Variants in GPR39 observed in about 807,000 individuals in gnomAD.
The protein encoded by GPR39 is zinc sensing receptor.
A neutral mutation model predicts 18.4 loss-of-function variants in GPR39; 23 were observed. The ratio of observed to expected loss-of-function variants is 1.25; its 90% confidence interval spans 0.90 to 1.77. The LOEUF (loss-of-function observed/expected upper bound fraction) is 1.77. Among genes scored for constraint, GPR39 ranks in the 40% most tolerant of loss-of-function variants. The pLI is 0.00. For missense variants in GPR39, 647 were observed against 602.4 expected (o/e 1.07, Z -0.78); for synonymous variants, 280 against 257.9 (o/e 1.09, Z -0.82).
intron 1 of GPR39, among the ~76,000 whole-genome samples, chr2:132,464,423 A>G (rs1680889195): frequency 2.6e-5 from 4 of 152,218 alleles, no homozygotes; most frequent in African/African-American, 4.8e-5. Flanking sequence ...ATAGTGCAGT[A>G]TGCCTAGACT....
intron 1 of GPR39, among the ~76,000 whole-genome samples, chr2:132,601,327 T>C (rs56265061): frequency 0.24 from 36,242 of 152,080 alleles, 4,825 homozygotes; most frequent in African/African-American, 0.35. Flanking sequence ...TCAATAAATG[T>C]GATACACAAC....
chr2:132,591,421 T>C (rs1165602455), intron 1 of GPR39, among the ~76,000 whole-genome samples: 1 of 152,122 alleles, frequency 6.6e-6, no homozygotes, highest in Non-Finnish European at 1.5e-5. Context: ...CACCAGTGGT[T>C]TGCCAGGGAC....
chr2:132,451,172 T>TGTGC (rs1553448291), intron 1 of GPR39, among the ~76,000 whole-genome samples: 1 of 140,574 alleles, frequency 7.1e-6, no homozygotes, highest in Non-Finnish European at 1.6e-5. Flanking sequence ...TGTGTGTGTG[T>TGTGC]GTGCACGCGC....
At position 132,450,046 on chromosome 2, in the gene GPR39, G is replaced by C. The variant is rs368593372; in HGVS notation, c.856+32148G>C. Among the ~76,000 whole-genome samples the C allele has an allele frequency of 5.3e-5, 8 of 152,342 alleles. No individual in the cohort carries two copies. In the East Asian group the frequency reaches 1.2e-3, roughly 22 times the overall value. Reference sequence around the variant, plus strand: ...ATGGTGGAATGTCAGCTTGCTGCCAGTGTCTGTACCATGTGGAACCATCAG... The same window carrying C: ...ATGGTGGAATGTCAGCTTGCTGCCACTGTCTGTACCATGTGGAACCATCAG... On this transcript the variant is annotated intron_variant, in intron 1 of 1. Transcript: ENST00000329321.
At chr2:132,476,657 AAAAAAGAT>A (rs1237301927) in intron 1 of GPR39, among the ~76,000 whole-genome samples, 1 of 151,162 alleles carries the variant, frequency 6.6e-6, no homozygotes, top group African/African-American at 2.4e-5. Context: ...AAAAAAAAAA[AAAAAAGAT>A]AGATATGTAA....
chr2:132,481,748 A>G (rs1449657382), intron 1 of GPR39, among the ~76,000 whole-genome samples: 2 of 152,198 alleles, frequency 1.3e-5, no homozygotes, highest in Non-Finnish European at 2.9e-5. Context: ...GTAAGAAATT[A>G]TAAATACTTT....
chr2:132,417,753 C>T lies in GPR39; in HGVS notation c.711C>T (p.Ser237=), dbSNP rs757784055. 117 of 1,614,102 alleles carry T rather than the reference C, an allele frequency of 7.2e-5. No homozygotes were observed. Among genetic ancestry groups the T allele is most frequent in the Non-Finnish European group, 9.7e-5 (114 of 1,180,050 alleles). The change falls in exon 1 of 2, where the codon TCC becomes TCT. Residue 237 remains serine (S), a synonymous_variant. Coordinates refer to ENST00000329321, the MANE Select transcript of GPR39 (RefSeq NM_001508.3). The part of the protein sequence containing the change: ...AFVVYLVVLL[S]VAFMCWNMMQ... ...TGGTCTACCTCGTGGTCCTGCTCTC[C>T]GTAGCCTTCATGTGCTGGAACATGA... is the stretch of plus-strand genomic sequence containing the variant.
intron 1 of GPR39, among the ~76,000 whole-genome samples, chr2:132,494,489 C>A (rs1348774446): frequency 6.6e-6 from 1 of 152,134 alleles, no homozygotes; most frequent in Non-Finnish European, 1.5e-5. Context: ...TCACACAAGG[C>A]TTCTATTATG....
At chr2:132,493,009 C>T (rs1453483283) in intron 1 of GPR39, among the ~76,000 whole-genome samples, 4 of 137,370 alleles carry the variant, frequency 2.9e-5, no homozygotes, top group Non-Finnish European at 6.2e-5. Context: ...ACCATATATA[C>T]ACTATATATA....
chr2:132,456,981 A>G (rs1362070453), intron 1 of GPR39, among the ~76,000 whole-genome samples: 2 of 152,136 alleles, frequency 1.3e-5, no homozygotes, highest in African/African-American at 2.4e-5. Flanking sequence ...CTCGAGGAGT[A>G]TCTTTGTTGT....
intron 1 of GPR39, among the ~76,000 whole-genome samples, chr2:132,610,651 C>G (rs1681221780): frequency 6.6e-6 from 1 of 152,036 alleles, no homozygotes; most frequent in South Asian, 2.1e-4. Context: ...GTGGCACGTA[C>G]CTGTAGTCCC....
At chr2:132,476,283 T>C (rs1339860694) in intron 1 of GPR39, among the ~76,000 whole-genome samples, 1 of 152,122 alleles carries the variant, frequency 6.6e-6, no homozygotes, top group Admixed American at 6.6e-5. Context: ...AAGTTTCTGG[T>C]TCGAAGTCCC....
At chr2:132,531,965 C>G (rs535011798) in intron 1 of GPR39, among the ~76,000 whole-genome samples, 1 of 152,072 alleles carries the variant, frequency 6.6e-6, no homozygotes, top group Non-Finnish European at 1.5e-5. Flanking sequence ...CAAACACATT[C>G]AAAAACTAGC....
At chr2:132,487,869 A>G (rs1467047160) in intron 1 of GPR39, among the ~76,000 whole-genome samples, 1 of 152,216 alleles carries the variant, frequency 6.6e-6, no homozygotes, top group Non-Finnish European at 1.5e-5. Context: ...GGCAATATTT[A>G]AAGAGATAAT....
At chr2:132,626,490 A>C (rs2104865183) in intron 1 of GPR39, among the ~76,000 whole-genome samples, 1 of 152,342 alleles carries the variant, frequency 6.6e-6, no homozygotes, top group African/African-American at 2.4e-5. Context: ...CCCTGAGGGA[A>C]GAGAAAGGAG....
intron 1 of GPR39, among the ~76,000 whole-genome samples, chr2:132,636,552 G>T (rs1232509742): frequency 6.6e-6 from 1 of 152,342 alleles, no homozygotes; most frequent in Non-Finnish European, 1.5e-5. Context: ...AGACTCTAAA[G>T]GGAGCTGGGC....
At chr2:132,487,893 A>G (rs1681373894) in intron 1 of GPR39, among the ~76,000 whole-genome samples, 1 of 152,230 alleles carries the variant, frequency 6.6e-6, no homozygotes, top group South Asian at 2.1e-4. Context: ...CTTATCTAAA[A>G]CTAATGAAAT....
chr2:132,566,156 G>C (rs949849895), intron 1 of GPR39, among the ~76,000 whole-genome samples: 2 of 148,338 alleles, frequency 1.3e-5, no homozygotes, highest in Non-Finnish European at 3.0e-5. Context: ...GGCCAGTGAT[G>C]ATGAGCATTT....
chr2:132,423,411 T>C lies in GPR39; in HGVS notation c.856+5513T>C, dbSNP rs181106827. ...ACCTCCCAAAGGCCCAATCTCCAAA[T>C]ACAATCACACCGGGGCTTAGGCCTT... On this transcript the variant is annotated intron_variant, in intron 1 of 1. Coordinates refer to ENST00000329321, the MANE Select transcript of GPR39 (RefSeq NM_001508.3). Among the ~76,000 whole-genome samples, 242 of 152,282 alleles carry C rather than the reference T, an allele frequency of 1.6e-3. 4 individuals are homozygous for C. The highest frequency in any genetic ancestry group is 5.3e-3 in the African/African-American group (222 of 41,576).
Sources: allele counts gnomAD v4.1 joint callset (sites outside exome capture counted in the v4.1 genomes callset), GRCh38; gene constraint gnomAD v4.1.1; transcripts MANE v1.5; gene names NCBI Gene and HGNC (gene_info 2026-07-23, HGNC 2026-07-21).